The following FBRSL1 variants were observed in gnomAD, a reference collection of about 807,000 sequenced individuals.
FBRSL1 encodes fibrosin like 1.
Under a neutral mutation model 89.6 loss-of-function variants are expected in FBRSL1, and 51 were observed. The observed-to-expected ratio is 0.57, with a 90% CI of 0.45 to 0.72. The LOEUF (loss-of-function observed/expected upper bound fraction) is 0.72. FBRSL1 is among the 30% of genes least tolerant of loss of function. FBRSL1 has a pLI of 0.00. For synonymous variants in FBRSL1, 779 were observed against 681.1 expected, an observed-to-expected ratio of 1.14 and a Z score of -2.24; for missense variants, 1,618 against 1,451.8, an observed-to-expected ratio of 1.11 and a Z score of -1.86.
chr12:132,510,165 C>T, intron 2 of FBRSL1: 2 of 1,230,930 alleles, frequency 1.6e-6, no homozygotes, highest in South Asian at 4.1e-5. Context: ...CTGCCAGCCC[C>T]TGCGGCCGCT....
chr12:132,501,738 G>A (rs891933251), intron 1 of FBRSL1, among the ~76,000 whole-genome samples: 4 of 152,190 alleles, frequency 2.6e-5, no homozygotes, highest in Admixed American at 2.0e-4. Context: ...GGACCCCAGT[G>A]GTGGATTCCT....
chr12:132,507,275 T>C (rs1487122061), intron 1 of FBRSL1: 1 of 985,494 alleles, frequency 1.0e-6, no homozygotes, highest in African/African-American at 1.7e-5. Context: ...GAGAGGATTC[T>C]GTCCTTTCGT....
intron 5 of FBRSL1, chr12:132,560,052 C>G (rs1394932756): frequency 6.6e-6 from 1 of 150,610 alleles, no homozygotes; most frequent in Non-Finnish European, 1.5e-5. Flanking sequence ...GCCCAGAGCG[C>G]GCAGAGCCGG....
chr12:132,561,422 C>T (rs1038898519), intron 5 of FBRSL1, among the ~76,000 whole-genome samples: 3 of 147,748 alleles, frequency 2.0e-5, no homozygotes, highest in Non-Finnish European at 4.4e-5. Flanking sequence ...GTGTTTGGGT[C>T]CCAGTGAAGG....
chr12:132,509,367 T>C, intron 2 of FBRSL1: 1 of 1,244,408 alleles, frequency 8.0e-7, no homozygotes, highest in Non-Finnish European at 1.0e-6. Flanking sequence ...GCCCCAGCGG[T>C]CACTTCTGGG....
intron 5 of FBRSL1, among the ~76,000 whole-genome samples, chr12:132,548,258 G>A (rs1291020821): frequency 6.6e-6 from 1 of 152,150 alleles, no homozygotes. Context: ...GTGTCTGGAG[G>A]GACACAGGCC....
At chr12:132,509,643 C>G (rs1248013808) in intron 2 of FBRSL1, 2 of 1,231,992 alleles carry the variant, frequency 1.6e-6, no homozygotes, top group East Asian at 6.3e-5. Flanking sequence ...CTACTGCCGG[C>G]GCCTGCGGTT....
At chr12:132,527,532 G>A (rs948815989) in intron 3 of FBRSL1, among the ~76,000 whole-genome samples, 4 of 152,200 alleles carry the variant, frequency 2.6e-5, no homozygotes, top group African/African-American at 7.2e-5. Context: ...AGGATGTCTC[G>A]CTGGTGGTCT....
At chr12:132,502,020 CTGTT>C (rs999265260) in intron 1 of FBRSL1, among the ~76,000 whole-genome samples, 1 of 152,228 alleles carries the variant, frequency 6.6e-6, no homozygotes, top group Admixed American at 6.5e-5. Context: ...GTGAGGAAGT[CTGTT>C]TGTACAGAGA....
intron 4 of FBRSL1, among the ~76,000 whole-genome samples, chr12:132,541,732 T>G: frequency 6.6e-6 from 1 of 152,232 alleles, no homozygotes; most frequent in South Asian, 2.1e-4. Flanking sequence ...GTCCCTTATT[T>G]CAGCCGAATC....
chr12:132,575,056 C>T (rs1305938415), intron 14 of FBRSL1, among the ~76,000 whole-genome samples: 2 of 151,994 alleles, frequency 1.3e-5, no homozygotes, highest in South Asian at 2.1e-4. Flanking sequence ...GCTGCGGGAG[C>T]GGGAGAGGGT....
At chr12:132,531,706 C>T (rs532007067) in intron 4 of FBRSL1, among the ~76,000 whole-genome samples, 16 of 152,058 alleles carry the variant, frequency 1.1e-4, no homozygotes, top group African/African-American at 2.2e-4. Context: ...CGTGGCGTTG[C>T]GTGTTGTGCA....
intron 5 of FBRSL1, among the ~76,000 whole-genome samples, chr12:132,564,104 G>A (rs776850152): frequency 2.0e-5 from 3 of 152,340 alleles, no homozygotes; most frequent in Admixed American, 6.5e-5. Flanking sequence ...CACAGAGCGC[G>A]TGCCGACAGC....
At chr12:132,548,689 G>A (rs988553427) in intron 5 of FBRSL1, among the ~76,000 whole-genome samples, 1 of 152,208 alleles carries the variant, frequency 6.6e-6, no homozygotes, top group Non-Finnish European at 1.5e-5. Flanking sequence ...GCCCCGGAGG[G>A]CGAGGAGGCC....
intron 2 of FBRSL1, chr12:132,510,991 C>T: frequency 1.0e-6 from 1 of 987,508 alleles, no homozygotes; most frequent in Non-Finnish European, 1.2e-6. Flanking sequence ...GAGTGGCGTG[C>T]TGGGCATGAA....
chr12:132,522,086 G>C (rs1385622731), intron 2 of FBRSL1, among the ~76,000 whole-genome samples: 1 of 152,066 alleles, frequency 6.6e-6, no homozygotes, highest in Non-Finnish European at 1.5e-5. Context: ...TCTGTGTGCA[G>C]CCGGCGCGGC....
chr12:132,574,092 T>C lies in FBRSL1; in HGVS notation c.1533T>C (p.Thr511=). Residue 511 remains threonine, a splice_region_variant and synonymous_variant, in exon 12 of 19, where the codon ACT becomes ACC. Transcript: ENST00000680143. ...GSLQGAFQPK[T]SSPIEVARRA... ...AAGCTGTCTCTTTCTCCCCTCAGACTTCAAGCCCCATTGAGGTGGCCCGCC... is the reference window on the plus strand; with the variant it reads ...AAGCTGTCTCTTTCTCCCCTCAGACCTCAAGCCCCATTGAGGTGGCCCGCC... The C allele has an allele frequency of 7.5e-7, 1 of 1,329,478 alleles. No individual in the cohort carries two copies. The highest frequency in any genetic ancestry group is 9.6e-7 in the Non-Finnish European group (1 of 1,043,330). The allele number at this position is 1,329,478 out of a possible 1,614,324, so 82.4% of individuals were successfully genotyped here.
At chr12:132,525,593 C>A (rs2136924849) in intron 2 of FBRSL1, 141 bp from the exon 3 acceptor site, 1 of 666,008 alleles carries the variant, frequency 1.5e-6, no homozygotes, top group Admixed American at 2.5e-5. Flanking sequence ...CGTCACATCC[C>A]AAAGCGCCCA....
intron 5 of FBRSL1, among the ~76,000 whole-genome samples, chr12:132,549,201 G>T (rs1490399804): frequency 6.6e-6 from 1 of 152,226 alleles, no homozygotes; most frequent in Non-Finnish European, 1.5e-5. Flanking sequence ...CGCCGTGTGG[G>T]CCGCAGTGCC....
Sources: allele counts gnomAD v4.1 joint callset (sites outside exome capture counted in the v4.1 genomes callset), GRCh38; gene constraint gnomAD v4.1.1; transcripts MANE v1.5; gene names NCBI Gene and HGNC (gene_info 2026-07-23, HGNC 2026-07-21).